The following CHD5 variants were observed in gnomAD, a reference collection of about 807,000 sequenced individuals.
CHD5 encodes chromodomain helicase DNA binding protein 5.
A neutral mutation model predicts 230.3 loss-of-function variants in CHD5; 69 were observed. The ratio of observed to expected loss-of-function variants is 0.30; its 90% CI spans 0.25 to 0.37. CHD5 has a LOEUF of 0.37. Among genes scored for constraint, CHD5 ranks in the 10% least tolerant of loss-of-function variants. The probability of loss-of-function intolerance (pLI) is 1.00; values close to 1 mark genes in which losing one functional copy is unlikely to be tolerated. For synonymous variants in CHD5, 1,064 were observed against 1,065.9 expected, an observed-to-expected ratio of 1.00 and a Z score of 0.03; for missense variants, 1,827 against 2,622.8, an observed-to-expected ratio of 0.70 and a Z score of 6.63.
chr1:6,111,713 T>C (rs1237495709), intron 36 of CHD5, 62 bp downstream of exon 36: 2 of 1,320,284 alleles, frequency 1.5e-6, no homozygotes, highest in South Asian at 1.2e-5. Flanking sequence ...CTCAGAGGGC[T>C]CTCCCCGAGG....
intron 25 of CHD5, among the ~76,000 whole-genome samples, 185 bp downstream of exon 25, chr1:6,127,861 G>A (rs1322220486): frequency 6.6e-6 from 1 of 152,184 alleles, no homozygotes; most frequent in East Asian, 1.9e-4. Context: ...GTTGGAGGGC[G>A]GAGCACACGC....
At chr1:6,163,710 G>A (rs767333432) in intron 2 of CHD5, among the ~76,000 whole-genome samples, 29 of 152,300 alleles carry the variant, frequency 1.9e-4, no homozygotes, top group Non-Finnish European at 2.4e-4. Context: ...TGAGAGGCTC[G>A]TAGACCAAGC....
chr1:6,118,054 C>T (rs1276304141), intron 33 of CHD5, among the ~76,000 whole-genome samples: 1 of 151,936 alleles, frequency 6.6e-6, no homozygotes, highest in East Asian at 1.9e-4. Flanking sequence ...ATAAACAAAA[C>T]AAAACATAGT....
intron 9 of CHD5, among the ~76,000 whole-genome samples, chr1:6,148,581 T>C (rs905450126): frequency 6.6e-6 from 1 of 152,172 alleles, no homozygotes; most frequent in African/African-American, 2.4e-5. Flanking sequence ...TGAACAGTGG[T>C]CGCGGTGTTG....
chr1:6,168,234 A>G lies in CHD5; in HGVS notation c.123T>C (p.Pro41=), dbSNP rs1327403430. 2 of 1,610,606 alleles carry G rather than the reference A, an allele frequency of 1.2e-6. No homozygotes were observed. Among genetic ancestry groups the G allele is most frequent in the African/African-American group, 2.7e-5 (2 of 74,992 alleles). The part of the protein sequence containing the change: ...GGLEAFDDFF[P]VEPVSLPKKK... ...TCTTAGGAAGGCTCACGGGCTCCAC[A>G]GGGAAAAAGTCATCGAAGGCTTCAA... is the stretch of plus-strand genomic sequence containing the variant. Residue 41 remains proline, a synonymous_variant, in exon 2 of 42, where the codon CCT becomes CCC. Transcript: ENST00000262450.
Position 6,121,673 on chromosome 1 carries a change from C to A in CHD5, c.4700-100G>T. The A allele has an allele frequency of 1.3e-6, 1 of 779,036 alleles. No individual in the cohort carries two copies. The highest frequency in any genetic ancestry group is 2.1e-6 in the Non-Finnish European group (1 of 474,286). 48.3% of individuals were successfully genotyped at this position (779,036 alleles called of 1,614,324 possible). A position where few individuals can be genotyped will look rare whatever the true frequency, so the allele number is the denominator to read the frequency against. ...AGAGGAGAGATGGGGGCTTGGCCTT[C>A]GGGAGGCTCCACTGCAGCCAAGCAC... is the stretch of plus-strand genomic sequence containing the variant. On this transcript the variant is annotated intron_variant, in intron 31 of 41. Coordinates refer to ENST00000262450, the MANE Select transcript of CHD5 (RefSeq NM_015557.3). This position sits in a 1 kb window ranked among gnomAD's most constrained non-coding sequence, Gnocchi z 4.5.
At chr1:6,177,222 G>A (rs1461326278) in intron 1 of CHD5, among the ~76,000 whole-genome samples, 1 of 152,176 alleles carries the variant, frequency 6.6e-6, no homozygotes, top group Non-Finnish European at 1.5e-5. Flanking sequence ...GCTGGTTCTG[G>A]TCTTTGGGGG....
In CHD5 at chr1:6,153,290, A is replaced by G. The variant is rs1475679367; in HGVS notation, c.746-754T>C. On this transcript the variant is annotated intron_variant, in intron 5 of 41. Transcript: ENST00000262450. ...ATGGAATCGATAGCTCAGCAGCTGGAGCGCGAGAGGAAATGAGAAAACAAG... is the reference window on the plus strand; with the variant it reads ...ATGGAATCGATAGCTCAGCAGCTGGGGCGCGAGAGGAAATGAGAAAACAAG... Among the ~76,000 whole-genome samples, 3 of 152,210 alleles carry G rather than the reference A, an allele frequency of 2.0e-5. No individual in the cohort carries two copies. In the East Asian group the frequency reaches 5.8e-4, roughly 29 times the overall value.
rs1666148651 is a variant in CHD5, at chr1:6,105,537, G to A, written c.*47-110C>T. 6 of 361,616 alleles carry A rather than the reference G, an allele frequency of 1.7e-5. No individual in the cohort carries two copies. Among genetic ancestry groups the A allele is most frequent in the South Asian group, 4.2e-5 (2 of 47,838 alleles). 22.4% of individuals were successfully genotyped at this position (361,616 alleles called of 1,614,324 possible). A position where few individuals can be genotyped will look rare whatever the true frequency, so the allele number is the denominator to read the frequency against. ...CCACCTATCACAACCAACTATGATC[G>A]GGGTGCCCCCCAGCCATGACCTCCC... On this transcript the variant is annotated intron_variant, in intron 41 of 41. Transcript: ENST00000262450. The surrounding 1 kb of genome is among the most constrained non-coding windows in gnomAD (Gnocchi z 4.8).
At chr1:6,114,311 A>C (rs1666341353) in intron 33 of CHD5, among the ~76,000 whole-genome samples, 1 of 151,962 alleles carries the variant, frequency 6.6e-6, no homozygotes, top group African/African-American at 2.4e-5. Context: ...CCCAGAAAAC[A>C]ATGATCCCCC....
At position 6,124,045 on chromosome 1, in the gene CHD5, G is replaced by T; in HGVS notation, c.4602C>A (p.Pro1534=). The T allele has an allele frequency of 6.2e-7, 1 of 1,613,042 alleles. No individual in the cohort carries two copies. Among genetic ancestry groups the T allele is most frequent in the South Asian group, 1.1e-5 (1 of 90,950 alleles). ...TCACCTCGCCCGACTTCTTCCCCTC[G>T]GGCCCCTCAGGGATCAAGTCTGGGG... ...YSTPDLIPEG[P]EGKKSGEVIS... is the part of the protein sequence containing the mutation. Residue 1534 remains proline, a synonymous_variant, in exon 31 of 42, where the codon CCC becomes CCA. Coordinates refer to ENST00000262450, the MANE Select transcript of CHD5 (RefSeq NM_015557.3).
At position 6,154,554 on chromosome 1, in the gene CHD5, C is replaced by A. The variant is rs1667051246; in HGVS notation, c.745+106G>T. ...GGCACAGAGCCCTCCATTAGGAGCA[C>A]CCCAGCTGCCCCTCCCTGCCCGCGT... On this transcript the variant is annotated intron_variant, in intron 5 of 41. Transcript: ENST00000262450. This position sits in a 1 kb window ranked among gnomAD's most constrained non-coding sequence, Gnocchi z 7.0. 1 of 1,032,614 alleles carries A rather than the reference C, an allele frequency of 9.7e-7. No individual in the cohort carries two copies. The highest frequency in any genetic ancestry group is 2.7e-5 in the East Asian group (1 of 36,650). The allele number at this position is 1,032,614 out of a possible 1,614,324, so 64.0% of individuals were successfully genotyped here.
chr1:6,125,057 G>A lies in CHD5; in HGVS notation c.4394+43C>T. 1 of 1,506,698 alleles carries A rather than the reference G, an allele frequency of 6.6e-7. No homozygotes were observed. The highest frequency in any genetic ancestry group is 8.9e-7 in the Non-Finnish European group (1 of 1,120,690). The allele number at this position is 1,506,698 out of a possible 1,614,324, so 93.3% of individuals were successfully genotyped here. A position where few individuals can be genotyped will look rare whatever the true frequency, so the allele number is the denominator to read the frequency against. On this transcript the variant is annotated intron_variant, in intron 29 of 41. Transcript: ENST00000262450. The surrounding 1 kb of genome is among the most constrained non-coding windows in gnomAD (Gnocchi z 6.7). ...CACCCGCAGGACCCTGCCCTACTCA[G>A]GGGCAGGTGGTCACACCCTGGGCCA...
At chr1:6,175,936 T>C (rs1667420387) in intron 1 of CHD5, among the ~76,000 whole-genome samples, 1 of 151,962 alleles carries the variant, frequency 6.6e-6, no homozygotes. Flanking sequence ...TATGGATTGA[T>C]AGGCGGATGG....
In CHD5 at chr1:6,102,172, G is replaced by T. The variant is rs576332278; in HGVS notation, c.*3302C>A. 4 of 256,038 alleles carry T rather than the reference G, an allele frequency of 1.6e-5. No individual in the cohort carries two copies. Among genetic ancestry groups the T allele is most frequent in the Non-Finnish European group, 2.4e-5 (3 of 125,438 alleles). 15.9% of individuals were successfully genotyped at this position (256,038 alleles called of 1,614,324 possible). On this transcript the variant is annotated 3_prime_UTR_variant, in exon 42 of 42. Coordinates refer to ENST00000262450, the MANE Select transcript of CHD5 (RefSeq NM_015557.3). ...CTCCAGGGGTGCTTGGGCTCCAATC[G>T]CTGCTTGAGGAGTTCAGGACACACA...
chr1:6,176,529 C>G (rs1407181214), intron 1 of CHD5, among the ~76,000 whole-genome samples: 1 of 152,214 alleles, frequency 6.6e-6, no homozygotes, highest in Non-Finnish European at 1.5e-5. Context: ...GGCTTCACAG[C>G]CCTCCTCCCA....
intron 15 of CHD5, among the ~76,000 whole-genome samples, chr1:6,141,556 A>G (rs999069575): frequency 6.7e-6 from 1 of 148,212 alleles, no homozygotes; most frequent in Non-Finnish European, 1.5e-5. Context: ...GGGAGGTTGC[A>G]GTGAGTCGAG....
intron 2 of CHD5, among the ~76,000 whole-genome samples, chr1:6,161,798 A>G (rs1667182132): frequency 6.6e-6 from 1 of 152,198 alleles, no homozygotes; most frequent in Non-Finnish European, 1.5e-5. Context: ...TAAGGACAAG[A>G]GAGGCCGCCA....
At chr1:6,143,742 C>T (rs1666867178) in intron 13 of CHD5, 81 bp downstream of exon 13, 2 of 1,248,970 alleles carry the variant, frequency 1.6e-6, no homozygotes, top group Admixed American at 1.7e-5. Context: ...CTTTTGAGAA[C>T]ACACACCCCC....
Sources: gnomAD v4.1 joint callset for allele counts (sites outside exome capture counted in the v4.1 genomes callset) on GRCh38, gnomAD v4.1.1 for gene constraint, Gnocchi (gnomAD v3.1) non-coding constraint, MANE v1.5 for transcripts, NCBI Gene and HGNC (gene_info 2026-07-23, HGNC 2026-07-21) for gene names.